The following LARP1B variants were observed in gnomAD, a reference collection of about 807,000 sequenced individuals.
The protein encoded by LARP1B is la-related protein 1B.
LARP1B carries 76 observed loss-of-function variants against 114.2 expected under a neutral mutation model. The ratio of observed to expected loss-of-function variants is 0.67; its 90% CI spans 0.55 to 0.81. The LOEUF is 0.81. Ranked by LOEUF, LARP1B falls within the 30% of genes least tolerant of loss-of-function variation. LARP1B has a pLI of 0.00. For synonymous variants in LARP1B, 345 were observed against 348.0 expected, an observed-to-expected ratio of 0.99 and a Z score of 0.10; for missense variants, 1,014 against 1,075.8, an observed-to-expected ratio of 0.94 and a Z score of 0.80.
intron 7 of LARP1B, among the ~76,000 whole-genome samples, chr4:128,095,031 G>A (rs1777390643): frequency 1.3e-5 from 2 of 152,128 alleles, no homozygotes; most frequent in African/African-American, 4.8e-5. Flanking sequence ...AATGACAGAC[G>A]TGAGCCACCG....
chr4:128,087,049 A>G (rs1223835410), intron 5 of LARP1B, among the ~76,000 whole-genome samples: 1 of 152,008 alleles, frequency 6.6e-6, no homozygotes, highest in Non-Finnish European at 1.5e-5. Flanking sequence ...CCTCCCGAGT[A>G]GCTGGGATTA....
At chr4:128,079,370 C>T (rs1242038721) in intron 4 of LARP1B, among the ~76,000 whole-genome samples, 2 of 151,290 alleles carry the variant, frequency 1.3e-5, no homozygotes, top group African/African-American at 4.9e-5. Context: ...GCTAGGATTA[C>T]AGGCATGAGC....
At chr4:128,100,739 A>G (rs1336312581) in intron 8 of LARP1B, among the ~76,000 whole-genome samples, 3 of 151,860 alleles carry the variant, frequency 2.0e-5, no homozygotes, top group Non-Finnish European at 4.4e-5. Context: ...CATTCTGGAT[A>G]CAAGTCCATT....
chr4:128,098,747 G>GTGTGTGTGTGTGTGTATATA, intron 8 of LARP1B, among the ~76,000 whole-genome samples: 1 of 15,594 alleles, frequency 6.4e-5, no homozygotes, highest in East Asian at 1.8e-3. Context: ...ATATGTATGT[G>GTGTGTGTGTGTGTGTATATA]TATATATATA....
chr4:128,114,120 A>C, intron 9 of LARP1B, among the ~76,000 whole-genome samples: 1 of 152,198 alleles, frequency 6.6e-6, no homozygotes, highest in East Asian at 1.9e-4. Flanking sequence ...AGGAGTAATA[A>C]TGGCTTTAGT....
chr4:128,197,465 G>A (rs1754574620), intron 15 of LARP1B, among the ~76,000 whole-genome samples: 1 of 152,154 alleles, frequency 6.6e-6, no homozygotes, highest in African/African-American at 2.4e-5. Context: ...GGAGGCCGAG[G>A]CGGGCAGATC....
rs187990735 is a variant in LARP1B at position 128,074,268 on chromosome 4, T to A, written c.-77-192T>A. ...CTGTTAATATTTCTTACTTCTTGAT[T>A]TGGAGACTGAAGATCACCTTGAATC... On this transcript the variant is annotated intron_variant, in intron 1 of 19. Transcript: ENST00000326639. 5.3e-5 allele frequency among the ~76,000 whole-genome samples: 8 copies of A among 152,336 alleles called. No individual in the cohort carries two copies. The East Asian group carries it at 1.4e-3, about 26-fold the overall frequency.
intron 17 of LARP1B, among the ~76,000 whole-genome samples, chr4:128,202,071 A>G (rs966899113): frequency 1.3e-5 from 2 of 152,210 alleles, no homozygotes; most frequent in African/African-American, 4.8e-5. Flanking sequence ...TCTGTTATCT[A>G]TATCAGGAAC....
At chr4:128,100,782 G>A (rs926731724) in intron 8 of LARP1B, among the ~76,000 whole-genome samples, 9 of 150,130 alleles carry the variant, frequency 6.0e-5, no homozygotes, top group African/African-American at 2.2e-4. Context: ...CCTAGTTTTT[G>A]TCTTTTCATT....
intron 15 of LARP1B, among the ~76,000 whole-genome samples, chr4:128,191,182 T>G (rs1004954592): frequency 2.0e-5 from 3 of 152,160 alleles, no homozygotes; most frequent in African/African-American, 7.2e-5. Context: ...CTGTGTTATC[T>G]TGGATTTTGC....
intron 4 of LARP1B, among the ~76,000 whole-genome samples, 177 bp from the exon 5 acceptor site, chr4:128,081,988 G>A (rs1459167241): frequency 3.3e-5 from 5 of 152,004 alleles, no homozygotes; most frequent in East Asian, 3.9e-4. Context: ...CGCCCACCGC[G>A]GCCTCCCAAA....
Position 128,200,648 on chromosome 4 carries a change from T to C in LARP1B, c.2292T>C (p.Asp764=), listed in dbSNP as rs375901571. 5.7e-6 allele frequency: 9 copies of C among 1,578,640 alleles called. No homozygotes were observed. The highest frequency in any genetic ancestry group is 4.1e-5 in the African/African-American group (3 of 72,828). Residue 764 remains aspartate (D), a synonymous_variant, in exon 17 of 20, where the codon GAT becomes GAC. Coordinates refer to ENST00000326639, the MANE Select transcript of LARP1B (RefSeq NM_018078.4). ...YEEFRQLAWE[D]AKENYRYGLE... ...AATTTAGACAACTTGCTTGGGAAGA[T>C]GCAAAAGAAAATTACAGGTCAGATA...
chr4:128,063,848 A>G (rs1008922049), intron 1 of LARP1B, among the ~76,000 whole-genome samples: 17 of 152,210 alleles, frequency 1.1e-4, no homozygotes, highest in Non-Finnish European at 1.9e-4. Context: ...AACTTTTTAT[A>G]TGCAAATGAC....
At chr4:128,089,748 TA>T (rs1176986107) in intron 5 of LARP1B, among the ~76,000 whole-genome samples, 1 of 151,620 alleles carries the variant, frequency 6.6e-6, no homozygotes, top group Non-Finnish European at 1.5e-5. Flanking sequence ...TTACAGTCCA[TA>T]AGGCTGAACA....
downstream of LARP1B, among the ~76,000 whole-genome samples, chr4:128,212,912 C>CTCT (rs1415825791): frequency 1.2e-5 from 1 of 83,764 alleles, no homozygotes; most frequent in Non-Finnish European, 2.2e-5. Context: ...AAATCTCTCT[C>CTCT]TTTTTTTTTT....
intron 12 of LARP1B, among the ~76,000 whole-genome samples, chr4:128,174,794 T>C (rs1054672099): frequency 1.3e-5 from 2 of 152,114 alleles, no homozygotes; most frequent in African/African-American, 4.8e-5. Flanking sequence ...TCACTATATA[T>C]TGCAAACTGA....
intron 5 of LARP1B, among the ~76,000 whole-genome samples, chr4:128,089,339 T>C (rs536822676): frequency 1.3e-5 from 2 of 152,302 alleles, no homozygotes; most frequent in East Asian, 3.9e-4. Context: ...TATATGAATG[T>C]TCTACCTGTT....
At chr4:128,079,336 C>A (rs539033735) in intron 4 of LARP1B, among the ~76,000 whole-genome samples, 6 of 152,148 alleles carry the variant, frequency 3.9e-5, no homozygotes, top group Admixed American at 2.0e-4. Flanking sequence ...CTCAGGCGAT[C>A]CACCTGCCTC....
At chr4:128,106,296 A>AT (rs1398126116) in intron 8 of LARP1B, among the ~76,000 whole-genome samples, 2 of 152,230 alleles carry the variant, frequency 1.3e-5, no homozygotes, top group African/African-American at 2.4e-5. Flanking sequence ...TGTTGGGATT[A>AT]CAGGCATGAG....
Sources: allele counts gnomAD v4.1 joint callset (sites outside exome capture counted in the v4.1 genomes callset), GRCh38; gene constraint gnomAD v4.1.1; transcripts MANE v1.5; gene names NCBI Gene and HGNC (gene_info 2026-07-23, HGNC 2026-07-21).